Variants in KPNA5 observed in about 807,000 individuals in gnomAD.
KPNA5 encodes the protein karyopherin subunit alpha 5.
KPNA5 carries 46 observed loss-of-function variants against 71.3 expected under a neutral mutation model. That is an observed-to-expected ratio of 0.65 (90% CI 0.51 to 0.83). The LOEUF (loss-of-function observed/expected upper bound fraction) is 0.83. Among genes scored for constraint, KPNA5 ranks in the 40% least tolerant of loss-of-function variants. KPNA5 has a pLI of 0.00. For synonymous variants in KPNA5, 207 were observed against 201.4 expected (o/e 1.03, Z -0.24); for missense variants, 547 against 628.3 (o/e 0.87, Z 1.38).
chr6:116,741,213 C>G lies in KPNA5; in HGVS notation c.*8890C>G, dbSNP rs1779862169. 1 of 152,246 alleles carries G rather than the reference C, an allele frequency of 6.6e-6. No homozygotes were observed. Among genetic ancestry groups the G allele is most frequent in the South Asian group, 2.1e-4 (1 of 4,832 alleles). 9.4% of individuals were successfully genotyped at this position (152,246 alleles called of 1,614,324 possible). A position where few individuals can be genotyped will look rare whatever the true frequency, so the allele number is the denominator to read the frequency against. On this transcript the variant is annotated 3_prime_UTR_variant, in exon 14 of 14. Transcript: ENST00000368564. ...ACTAGTCTGCTTAATTCATCAGTTTCTAACTCGCCAGTTTCTAAGAGAGGT... is the reference window on the plus strand; with the variant it reads ...ACTAGTCTGCTTAATTCATCAGTTTGTAACTCGCCAGTTTCTAAGAGAGGT...
chr6:116,702,240 G>C, intron 6 of KPNA5, 90 bp downstream of exon 6: 1 of 1,355,808 alleles, frequency 7.4e-7, no homozygotes, highest in South Asian at 1.4e-5. Context: ...ATTCATTTTT[G>C]TTTCTAATTG....
At chr6:116,689,046 A>G (rs1777694810) in intron 1 of KPNA5, among the ~76,000 whole-genome samples, 1 of 152,164 alleles carries the variant, frequency 6.6e-6, no homozygotes, top group Admixed American at 6.5e-5. Flanking sequence ...GAGACAGGAA[A>G]GGTTGTTGCA....
chr6:116,738,541 C>A lies in KPNA5; in HGVS notation c.*6218C>A, dbSNP rs1430540634. The A allele has an allele frequency of 6.6e-6, 1 of 152,068 alleles. No individual in the cohort carries two copies. Among genetic ancestry groups the A allele is most frequent in the Non-Finnish European group, 1.5e-5 (1 of 68,012 alleles). 9.4% of individuals were successfully genotyped at this position (152,068 alleles called of 1,614,324 possible). On this transcript the variant is annotated 3_prime_UTR_variant, in exon 14 of 14. Transcript: ENST00000368564. ...CTGATACCAAAGCTGGGCAGAGACA[C>A]AACCAAAAAAGAGAATTTTAGACCA...
chr6:116,704,967 C>A (rs1348477958), intron 6 of KPNA5, 105 bp from the exon 7 acceptor site: 10 of 620,306 alleles, frequency 1.6e-5, no homozygotes, highest in Non-Finnish European at 2.7e-5. Flanking sequence ...TTTTTTTTAA[C>A]ATATCAGAAA....
chr6:116,684,033 C>G (rs2114347206), intron 1 of KPNA5, among the ~76,000 whole-genome samples: 1 of 149,730 alleles, frequency 6.7e-6, no homozygotes, highest in East Asian at 2.0e-4. Flanking sequence ...CTGCCTCAGC[C>G]TCCAGAGTAG....
In KPNA5 at chr6:116,729,550, T is replaced by C. The variant is rs752472721; in HGVS notation, c.1254-13T>C. 7.6e-6 allele frequency: 11 copies of C among 1,451,494 alleles called. No homozygotes were observed. Among genetic ancestry groups the C allele is most frequent in the Non-Finnish European group, 1.0e-5 (11 of 1,091,040 alleles). The allele number at this position is 1,451,494 out of a possible 1,614,324, so 89.9% of individuals were successfully genotyped here. ...TTTTTTCCCTGTTTCTTCTCTTTTATATTAATCTGAAGGTATTTGGTAGCT... is the reference window on the plus strand; with the variant it reads ...TTTTTTCCCTGTTTCTTCTCTTTTACATTAATCTGAAGGTATTTGGTAGCT... On this transcript the variant is annotated splice_polypyrimidine_tract_variant and intron_variant, in intron 12 of 13. Coordinates refer to ENST00000368564, the MANE Select transcript of KPNA5 (RefSeq NM_001366306.2).
intron 6 of KPNA5, among the ~76,000 whole-genome samples, chr6:116,702,918 A>C (rs1778284224): frequency 6.6e-6 from 1 of 152,216 alleles, no homozygotes; most frequent in African/African-American, 2.4e-5. Context: ...AAATAAAATC[A>C]AGTCATTTAA....
chr6:116,701,156 G>T (rs1778214752), intron 5 of KPNA5, among the ~76,000 whole-genome samples: 2 of 152,032 alleles, frequency 1.3e-5, no homozygotes, highest in South Asian at 4.1e-4. Context: ...TAATATTTCA[G>T]TAATGCTTTT....
rs1275939216 is a variant in KPNA5 at position 116,738,017 on chromosome 6, C to T, written c.*5694C>T. The T allele has an allele frequency of 6.6e-6, 1 of 151,870 alleles. No homozygotes were observed. Among genetic ancestry groups the T allele is most frequent in the African/African-American group, 2.4e-5 (1 of 41,386 alleles). The allele number at this position is 151,870 out of a possible 1,614,324, so 9.4% of individuals were successfully genotyped here. ...AATTTACCTTGAAGTACCATTTCAGCTGCATTCCACAAGTTATTCAGCTCT... is the reference window on the plus strand; with the variant it reads ...AATTTACCTTGAAGTACCATTTCAGTTGCATTCCACAAGTTATTCAGCTCT... On this transcript the variant is annotated 3_prime_UTR_variant, in exon 14 of 14. Transcript: ENST00000368564.
intron 4 of KPNA5, among the ~76,000 whole-genome samples, chr6:116,695,915 TCC>T (rs1168395356): frequency 6.6e-6 from 1 of 152,200 alleles, no homozygotes; most frequent in Non-Finnish European, 1.5e-5. Context: ...TTGTACCATT[TCC>T]TCATTATTGA....
At chr6:116,726,762 C>A in intron 12 of KPNA5, 140 bp downstream of exon 12, 2 of 750,838 alleles carry the variant, frequency 2.7e-6, no homozygotes, top group Non-Finnish European at 4.0e-6. Flanking sequence ...TGTATTATAT[C>A]AGTTACTCAT....
At chr6:116,682,154 T>A (rs1003975392) in intron 1 of KPNA5, among the ~76,000 whole-genome samples, 3 of 151,342 alleles carry the variant, frequency 2.0e-5, no homozygotes, top group Non-Finnish European at 4.4e-5. Context: ...ACAAAAAAAA[T>A]ACCAAAAATA....
rs1228779697 is a variant in KPNA5 at position 116,735,174 on chromosome 6, AAATT to A, written c.*2852_*2855del. 6.6e-6 allele frequency: 1 copy of A among 151,828 alleles called. No homozygotes were observed. Among genetic ancestry groups the A allele is most frequent in the Non-Finnish European group, 1.5e-5 (1 of 67,772 alleles). The allele number at this position is 151,828 out of a possible 1,614,324, so 9.4% of individuals were successfully genotyped here. A position where few individuals can be genotyped will look rare whatever the true frequency, so the allele number is the denominator to read the frequency against. ...CAGAACAAGAAAGCAAAAAAGTAAT[AAATT>A]CTGCTGGCACAGAACTAACATATCA... On this transcript the variant is annotated 3_prime_UTR_variant, in exon 14 of 14. Transcript: ENST00000368564.
intron 1 of KPNA5, among the ~76,000 whole-genome samples, chr6:116,685,569 A>G (rs1162832237): frequency 6.6e-6 from 1 of 152,222 alleles, no homozygotes; most frequent in Non-Finnish European, 1.5e-5. Context: ...TAGTTTGCTA[A>G]GGATAATGTC....
intron 7 of KPNA5, among the ~76,000 whole-genome samples, 177 bp from the exon 8 acceptor site, chr6:116,716,042 T>C (rs376127531): frequency 2.6e-5 from 4 of 152,234 alleles, no homozygotes; most frequent in East Asian, 1.9e-4. Context: ...CTTTAGAAAA[T>C]AGAACTGTAA....
In KPNA5 at chr6:116,726,565, A is replaced by G. The variant is rs1441411932; in HGVS notation, c.1196A>G (p.Lys399Arg). ...CAGAAAGCAGAGTTTCGTACCAGAA[A>G]AGAAGCAGCTTGGGCTATAACTAAT... ...ILQKAEFRTR[K>R]EAAWAITNAT... The change falls in exon 12 of 14, where the codon AAA (lysine) becomes AGA (arginine). Residue 399 changes from lysine (K) to arginine (R), a missense_variant. Lys to Arg is a conservative substitution (Grantham distance 26). Transcript: ENST00000368564. 8.7e-6 allele frequency: 14 copies of G among 1,612,600 alleles called. No homozygotes were observed. The highest frequency in any genetic ancestry group is 1.1e-5 in the Non-Finnish European group (13 of 1,179,184).
chr6:116,714,366 A>G (rs577847303), intron 7 of KPNA5, among the ~76,000 whole-genome samples: 1 of 152,344 alleles, frequency 6.6e-6, no homozygotes, highest in South Asian at 2.1e-4. Flanking sequence ...CCAAAAATAA[A>G]CAAAAAGAAA....
Position 116,689,379 on chromosome 6 carries a change from C to T in KPNA5, c.64C>T (p.Leu22=). The T allele has an allele frequency of 6.2e-7, 1 of 1,609,462 alleles. No individual in the cohort carries two copies. Among genetic ancestry groups the T allele is most frequent in the South Asian group, 1.1e-5 (1 of 90,196 alleles). Residue 22 remains leucine (L), a synonymous_variant, in exon 2 of 14, where the codon CTA becomes TTA. Transcript: ENST00000368564. ...YRMKSYKNKA[L]NPQEMRRRRE... ...AATGAAAAGTTATAAGAATAAAGCCCTAAATCCTCAAGAGATGCGTAGACG... is the reference window on the plus strand; with the variant it reads ...AATGAAAAGTTATAAGAATAAAGCCTTAAATCCTCAAGAGATGCGTAGACG...
At chr6:116,687,877 A>G (rs558896053) in intron 1 of KPNA5, among the ~76,000 whole-genome samples, 9 of 152,350 alleles carry the variant, frequency 5.9e-5, no homozygotes, top group African/African-American at 1.9e-4. Flanking sequence ...TGAACTATGT[A>G]AAAACAACCT....
Sources: gnomAD v4.1 joint callset for allele counts (sites outside exome capture counted in the v4.1 genomes callset) on GRCh38, gnomAD v4.1.1 for gene constraint, MANE v1.5 for transcripts, NCBI Gene and HGNC (gene_info 2026-07-23, HGNC 2026-07-21) for gene names.